Variants in AGMO observed in about 807,000 individuals in gnomAD.
AGMO encodes glyceryl-ether monooxygenase.
AGMO carries 75 observed loss-of-function variants against 60.2 expected under a neutral mutation model. The observed-to-expected ratio is 1.25, with a 90% confidence interval of 1.03 to 1.51. AGMO has a LOEUF of 1.51. Among genes scored for constraint, AGMO ranks in the 40% most tolerant of loss-of-function variants. The pLI, the probability that AGMO is intolerant of heterozygous loss-of-function variation, is 0.00. For synonymous variants in AGMO, 261 were observed against 177.1 expected, an observed-to-expected ratio of 1.47 and a Z score of -3.76; for missense variants, 763 against 525.5, an observed-to-expected ratio of 1.45 and a Z score of -4.42.
chr7:15,488,495 A>G (rs74459534), intron 3 of AGMO, among the ~76,000 whole-genome samples: 2,396 of 152,294 alleles, frequency 0.016, 24 homozygotes, highest in Non-Finnish European at 0.025. Context: ...AAACAAGCCC[A>G]TTCTTGGCAT....
chr7:15,473,578 AT>A (rs1305264813), intron 3 of AGMO, among the ~76,000 whole-genome samples: 8 of 152,128 alleles, frequency 5.3e-5, no homozygotes, highest in African/African-American at 1.9e-4. Flanking sequence ...AATAAGAGCT[AT>A]TTATGGCAAA....
At chr7:15,298,619 C>G (rs1399364110) in intron 12 of AGMO, among the ~76,000 whole-genome samples, 2 of 152,094 alleles carry the variant, frequency 1.3e-5, no homozygotes, top group African/African-American at 2.4e-5. Context: ...CCAGACTAGT[C>G]TTGAACCCCT....
chr7:15,175,148 A>G, the AGMO span, among the ~76,000 whole-genome samples: 2 of 152,074 alleles, frequency 1.3e-5, no homozygotes, highest in Admixed American at 1.3e-4. Flanking sequence ...TTAATGTACT[A>G]TATATTCATA....
intron 12 of AGMO, among the ~76,000 whole-genome samples, chr7:15,343,092 T>C (rs563903573): frequency 2.6e-5 from 4 of 152,196 alleles, no homozygotes; most frequent in Non-Finnish European, 4.4e-5. Flanking sequence ...TATATTTTCC[T>C]ATAGCAATAA....
At chr7:15,157,856 G>A in the AGMO span, among the ~76,000 whole-genome samples, 1 of 152,072 alleles carries the variant, frequency 6.6e-6, no homozygotes, top group East Asian at 1.9e-4. Flanking sequence ...ATTGAAACCT[G>A]ACTGAACACA....
At chr7:15,364,213 TCTTC>T (rs1782875432) in intron 12 of AGMO, among the ~76,000 whole-genome samples, 1 of 151,990 alleles carries the variant, frequency 6.6e-6, no homozygotes, top group Non-Finnish European at 1.5e-5. Flanking sequence ...ATCTTCTGCT[TCTTC>T]CTTTCTTCTA....
intron 10 of AGMO, among the ~76,000 whole-genome samples, chr7:15,377,560 T>C (rs747535859): frequency 2.6e-5 from 4 of 152,050 alleles, no homozygotes; most frequent in Non-Finnish European, 4.4e-5. Flanking sequence ...TTAAAATGAG[T>C]AAGTCTCCAT....
At chr7:15,509,114 A>T (rs1783605239) in intron 3 of AGMO, among the ~76,000 whole-genome samples, 1 of 152,192 alleles carries the variant, frequency 6.6e-6, no homozygotes, top group South Asian at 2.1e-4. Context: ...TCTAATTTTT[A>T]GATTTAAAAA....
intron 3 of AGMO, among the ~76,000 whole-genome samples, chr7:15,515,355 T>C (rs1562546366): frequency 6.6e-6 from 1 of 152,182 alleles, no homozygotes; most frequent in Non-Finnish European, 1.5e-5. Context: ...CTCTCCAGAA[T>C]TGTATGAGCT....
chr7:15,193,685 C>T, the AGMO span, among the ~76,000 whole-genome samples: 13,011 of 152,182 alleles, frequency 0.085, 659 homozygotes, highest in East Asian at 0.15. Context: ...TCAATCTTTA[C>T]TGATATTTGT....
At chr7:15,393,455 T>C (rs1784232016) in intron 6 of AGMO, among the ~76,000 whole-genome samples, 1 of 152,242 alleles carries the variant, frequency 6.6e-6, no homozygotes, top group Admixed American at 6.5e-5. Flanking sequence ...ATGTATAATA[T>C]AAGATTTATC....
At chr7:15,558,487 A>T (rs940618304) in intron 2 of AGMO, among the ~76,000 whole-genome samples, 2 of 151,940 alleles carry the variant, frequency 1.3e-5, no homozygotes, top group Non-Finnish European at 1.5e-5. Context: ...AAATCTATAT[A>T]CCCTTGGGCA....
chr7:15,129,302 G>A, the AGMO span, among the ~76,000 whole-genome samples: 2 of 132,264 alleles, frequency 1.5e-5, no homozygotes, highest in African/African-American at 5.0e-5. Flanking sequence ...TTGTTCAGTT[G>A]TATATCCAGC....
intron 12 of AGMO, among the ~76,000 whole-genome samples, chr7:15,225,043 T>C (rs1241075413): frequency 3.3e-5 from 5 of 152,006 alleles, no homozygotes; most frequent in African/African-American, 9.7e-5. Context: ...TCATTAACAT[T>C]TGGTATACTT....
chr7:15,128,469 C>G, the AGMO span, among the ~76,000 whole-genome samples: 1 of 151,986 alleles, frequency 6.6e-6, no homozygotes, highest in East Asian at 1.9e-4. Context: ...TATATGCTTG[C>G]TATGGACTTT....
intron 12 of AGMO, among the ~76,000 whole-genome samples, chr7:15,298,387 T>C (rs946427190): frequency 1.3e-5 from 2 of 152,086 alleles, no homozygotes; most frequent in African/African-American, 2.4e-5. Context: ...TATGATTTTC[T>C]TGTGTGTCTG....
chr7:15,332,275 C>T (rs1329580438), intron 12 of AGMO, among the ~76,000 whole-genome samples: 2 of 152,124 alleles, frequency 1.3e-5, no homozygotes, highest in Non-Finnish European at 2.9e-5. Flanking sequence ...TATCAGGACT[C>T]CCCTCCCTGT....
rs370728608 is a variant in AGMO, at chr7:15,504,036, T to C, written c.409+40736A>G. On this transcript the variant is annotated intron_variant, in intron 3 of 12. Coordinates refer to ENST00000342526, the MANE Select transcript of AGMO (RefSeq NM_001004320.2). Reference sequence around the variant, plus strand: ...ATGACAGAGGCAATTCCACACAGTTTATGTAAAAGCCCTCTAGTCCTTTAA... The same window carrying C: ...ATGACAGAGGCAATTCCACACAGTTCATGTAAAAGCCCTCTAGTCCTTTAA... 2.0e-5 allele frequency among the ~76,000 whole-genome samples: 3 copies of C among 152,132 alleles called. No individual in the cohort carries two copies. In the East Asian group the frequency reaches 5.8e-4, roughly 29 times the overall value.
intron 12 of AGMO, among the ~76,000 whole-genome samples, chr7:15,322,506 A>G (rs1230614199): frequency 1.4e-5 from 1 of 71,182 alleles, no homozygotes; most frequent in Non-Finnish European, 2.5e-5. Context: ...AAATATATAA[A>G]TATATATATA....
Sources: allele counts gnomAD v4.1 joint callset (sites outside exome capture counted in the v4.1 genomes callset), GRCh38; gene constraint gnomAD v4.1.1; transcripts MANE v1.5; gene names NCBI Gene and HGNC (gene_info 2026-07-23, HGNC 2026-07-21).